SYT12: variants seen among roughly 807,000 people sequenced by gnomAD.
The protein encoded by SYT12 is synaptotagmin 12, also known as synaptotagmin-12.
In SYT12, 27 loss-of-function variants were observed where a neutral mutation model predicts 39.5. That is an observed-to-expected ratio of 0.68 (90% CI 0.50 to 0.94). SYT12 has a LOEUF of 0.94. Ranked by LOEUF, SYT12 falls within the 40% of genes least tolerant of loss-of-function variation. The pLI, the probability that SYT12 is intolerant of heterozygous loss-of-function variation, is 0.00. For synonymous variants in SYT12, 233 were observed against 239.7 expected (o/e 0.97, Z 0.26); for missense variants, 536 against 572.6 (o/e 0.94, Z 0.65).
intron 1 of SYT12, 169 bp from the exon 2 acceptor site, chr11:67,029,953 G>T: frequency 5.1e-6 from 3 of 585,720 alleles, no homozygotes; most frequent in East Asian, 2.9e-5. Flanking sequence ...TGCTTGAAAA[G>T]AGCTTTAAAC....
chr11:67,043,588 G>C (rs1950554845), intron 4 of SYT12, 50 bp from the exon 5 acceptor site: 1 of 1,578,582 alleles, frequency 6.3e-7, no homozygotes, highest in African/African-American at 1.4e-5. Context: ...CTGTCTCCCT[G>C]CTGTGGCCTC....
chr11:67,036,563 A>G (rs978665955), intron 3 of SYT12, among the ~76,000 whole-genome samples: 2 of 152,188 alleles, frequency 1.3e-5, no homozygotes, highest in African/African-American at 4.8e-5. Context: ...CTATTACCAG[A>G]TTAGAGTCCC....
At position 67,039,752 on chromosome 11, in the gene SYT12, C is replaced by G. The variant is rs1950462898; in HGVS notation, c.229-59C>G. On this transcript the variant is annotated intron_variant, in intron 3 of 7. Transcript: ENST00000527043. ...GGCCTTACTCATCTCTTTGCCGTCT[C>G]CCAGTGACCTTGCCTATGGCCCCCA... is the stretch of plus-strand genomic sequence containing the variant. 1.0e-5 allele frequency: 16 copies of G among 1,543,492 alleles called. No homozygotes were observed. The Middle Eastern group carries it at 1.4e-3, about 139-fold the overall frequency.
At chr11:67,014,436 C>T (rs1365978971) in intron 3 of SYT12, among the ~76,000 whole-genome samples, 4 of 152,216 alleles carry the variant, frequency 2.6e-5, no homozygotes, top group Non-Finnish European at 5.9e-5. Flanking sequence ...GGGCGGGGAA[C>T]AGGCGAGGAC....
rs552726953 is a variant in SYT12 at position 67,038,179 on chromosome 11, A to G, written c.229-1632A>G. 2.7e-5 allele frequency among the ~76,000 whole-genome samples: 4 copies of G among 150,866 alleles called. No individual in the cohort carries two copies. In the South Asian group the frequency reaches 8.4e-4, roughly 32 times the overall value. On this transcript the variant is annotated intron_variant, in intron 3 of 7. Coordinates refer to ENST00000527043, the MANE Select transcript of SYT12 (RefSeq NM_177963.4). Reference sequence around the variant, plus strand: ...TATTTATTTATTTATTTATTTATTTATTTTTGAGACAGAGTCTCACCCTGT... The same window carrying G: ...TATTTATTTATTTATTTATTTATTTGTTTTTGAGACAGAGTCTCACCCTGT...
intron 3 of SYT12, among the ~76,000 whole-genome samples, chr11:67,014,022 CCTT>C (rs902037932): frequency 5.3e-5 from 8 of 152,166 alleles, no homozygotes; most frequent in African/African-American, 1.9e-4. Context: ...CTCCACGTGG[CCTT>C]CTTCTCTCTG....
At chr11:67,042,067 G>A (rs1474323727) in intron 4 of SYT12, among the ~76,000 whole-genome samples, 1 of 152,144 alleles carries the variant, frequency 6.6e-6, no homozygotes, top group South Asian at 2.1e-4. Context: ...CTTCTGAGAG[G>A]CAGTATAGTG....
chr11:67,044,803 C>T, intron 6 of SYT12, 90 bp downstream of exon 6: 1 of 1,568,494 alleles, frequency 6.4e-7, no homozygotes, highest in Non-Finnish European at 8.7e-7. Flanking sequence ...GAGGCATCGG[C>T]AGGTGTGGGA....
rs1950329329 is a variant in SYT12 at position 67,034,854 on chromosome 11, CTGCAGGTGCACAGCGAG to C, written c.228+21_228+37del. 6.6e-7 allele frequency: 1 copy of C among 1,514,124 alleles called. No homozygotes were observed. The highest frequency in any genetic ancestry group is 1.3e-5 in the South Asian group (1 of 75,518). The allele number at this position is 1,514,124 out of a possible 1,614,324, so 93.8% of individuals were successfully genotyped here. A position where few individuals can be genotyped will look rare whatever the true frequency, so the allele number is the denominator to read the frequency against. ...CAGGGAGAAGGTGAGGCTTCTGCTC[CTGCAGGTGCACAGCGAG>C]TGCAACCCCATGCCCCTACCATCCA... On this transcript the variant is annotated intron_variant, in intron 3 of 7. Transcript: ENST00000527043.
At chr11:67,048,485 C>A in intron 7 of SYT12, 99 bp from the exon 8 acceptor site, 1 of 1,330,362 alleles carries the variant, frequency 7.5e-7, no homozygotes, top group Non-Finnish European at 1.0e-6. Flanking sequence ...CTGTGCCTGG[C>A]ACCCCACTGG....
chr11:67,011,198 A>T (rs1950010885), intron 3 of SYT12, among the ~76,000 whole-genome samples: 1 of 152,036 alleles, frequency 6.6e-6, no homozygotes, highest in Non-Finnish European at 1.5e-5. Flanking sequence ...ATCTCTAACA[A>T]AATGAAATGA....
rs188227113 is a variant in SYT12, at chr11:67,036,647, T to A, written c.228+1809T>A. ...TGGGGGAATGTAAATTTGAAAAAAA[T>A]TTTCCAGGCCTGGTGTGGTGGCTCA... is the stretch of plus-strand genomic sequence containing the variant. On this transcript the variant is annotated intron_variant, in intron 3 of 7. Transcript: ENST00000527043. Among the ~76,000 whole-genome samples the A allele has an allele frequency of 8.9e-4, 135 of 151,980 alleles. 1 individual carries two copies. The East Asian group carries it at 0.017, about 19-fold the overall frequency.
upstream of SYT12, among the ~76,000 whole-genome samples, chr11:67,019,095 A>G (rs1490798439): frequency 6.6e-6 from 1 of 152,010 alleles, no homozygotes; most frequent in Non-Finnish European, 1.5e-5. Flanking sequence ...AGGCTTCACA[A>G]TCATGGCAGA....
In SYT12 at chr11:67,045,870, T is replaced by G. The variant is rs1394050384; in HGVS notation, c.1085T>G (p.Val362Gly). 3 of 1,612,968 alleles carry G rather than the reference T, an allele frequency of 1.9e-6. No individual in the cohort carries two copies. Among genetic ancestry groups the G allele is most frequent in the Non-Finnish European group, 2.5e-6 (3 of 1,179,602 alleles). The change falls in exon 7 of 8, where the codon GTG becomes GGG. Residue 362 changes from valine to glycine, a missense_variant. Transcript: ENST00000527043. ...EAMIFSVPAI[V>G]LQDLSLRVTV... ...ATGATCTTCTCGGTGCCAGCCATTG[T>G]GCTCCAGGTGAGGGGGGCTGGGGGA...
intron 7 of SYT12, among the ~76,000 whole-genome samples, chr11:67,047,012 T>C (rs1352188418): frequency 6.6e-6 from 1 of 152,074 alleles, no homozygotes; most frequent in Non-Finnish European, 1.5e-5. Context: ...TTGCCCAAGC[T>C]GGAGTGCAAT....
At chr11:67,025,097 C>T (rs1202571872) in intron 1 of SYT12, among the ~76,000 whole-genome samples, 1 of 152,208 alleles carries the variant, frequency 6.6e-6, no homozygotes, top group Admixed American at 6.5e-5. Context: ...AGGCCCAGAT[C>T]CATTGCACCC....
chr11:67,042,712 G>A (rs907232930), intron 4 of SYT12, among the ~76,000 whole-genome samples: 4 of 152,230 alleles, frequency 2.6e-5, no homozygotes, highest in African/African-American at 9.7e-5. Flanking sequence ...AGATCATGAA[G>A]AGCCTGAATG....
At chr11:67,032,539 C>T (rs1261181249) in intron 2 of SYT12, 1 of 152,274 alleles carries the variant, frequency 6.6e-6, no homozygotes, top group African/African-American at 2.4e-5. Context: ...TGCCGTTTCT[C>T]ACCGCTGGCC....
chr11:67,048,554 T>C (rs1854638830), intron 7 of SYT12, 30 bp from the exon 8 acceptor site: 2 of 1,582,918 alleles, frequency 1.3e-6, no homozygotes, highest in African/African-American at 2.7e-5. Context: ...CTGCCCCTGG[T>C]CCTCAGCACC....
Sources: gnomAD v4.1 joint callset for allele counts (sites outside exome capture counted in the v4.1 genomes callset) on GRCh38, gnomAD v4.1.1 for gene constraint, MANE v1.5 for transcripts, NCBI Gene and HGNC (gene_info 2026-07-23, HGNC 2026-07-21) for gene names.